Variants in RASGRF1 observed in about 807,000 individuals in gnomAD.
The protein encoded by RASGRF1 is ras-specific guanine nucleotide-releasing factor 1.
RASGRF1 carries 40 observed loss-of-function variants against 138.7 expected under a neutral mutation model. The ratio of observed to expected loss-of-function variants is 0.29; its 90% confidence interval spans 0.22 to 0.38. The LOEUF is 0.38. Among genes scored for constraint, RASGRF1 ranks in the 10% least tolerant of loss-of-function variants. The pLI is 1.00. For missense variants in RASGRF1, 1,108 were observed against 1,650.4 expected, an observed-to-expected ratio of 0.67 and a Z score of 5.69; for synonymous variants, 614 against 663.2, an observed-to-expected ratio of 0.93 and a Z score of 1.14.
intron 13 of RASGRF1, among the ~76,000 whole-genome samples, chr15:79,012,134 A>G (rs1271642493): frequency 6.6e-6 from 1 of 152,122 alleles, no homozygotes; most frequent in African/African-American, 2.4e-5. Flanking sequence ...GGAGGCCACA[A>G]TTGCATCAAG....
chr15:79,070,272 G>A (rs1461758846), intron 1 of RASGRF1, among the ~76,000 whole-genome samples: 1 of 152,200 alleles, frequency 6.6e-6, no homozygotes, highest in African/African-American at 2.4e-5. Context: ...TCCAGTTTGG[G>A]TCAAAGAGCC....
At chr15:79,024,048 CACACACAT>C (rs1478374924) in intron 10 of RASGRF1, among the ~76,000 whole-genome samples, 6 of 151,014 alleles carry the variant, frequency 4.0e-5, no homozygotes, top group African/African-American at 1.5e-4. Context: ...CAAACACACA[CACACACAT>C]ACACATACAC....
At chr15:78,995,027 A>G (rs1033416910) in intron 20 of RASGRF1, among the ~76,000 whole-genome samples, 2 of 150,910 alleles carry the variant, frequency 1.3e-5, no homozygotes, top group East Asian at 3.9e-4. Context: ...TCCTATGCTC[A>G]AGCAGTCCTC....
chr15:79,020,802 T>C (rs1349583017), intron 10 of RASGRF1, among the ~76,000 whole-genome samples: 3 of 152,372 alleles, frequency 2.0e-5, no homozygotes, highest in African/African-American at 7.2e-5. Flanking sequence ...GTTCACAAAT[T>C]CTTTCACATT....
At chr15:78,987,120 A>C (rs28566661) in intron 22 of RASGRF1, among the ~76,000 whole-genome samples, 1 of 152,028 alleles carries the variant, frequency 6.6e-6, no homozygotes, top group Non-Finnish European at 1.5e-5. Context: ...TTACACACCC[A>C]TTTGTTTAAT....
intron 23 of RASGRF1, 71 bp from the exon 24 acceptor site, chr15:78,980,770 C>A: frequency 8.5e-7 from 1 of 1,171,922 alleles, no homozygotes; most frequent in South Asian, 1.4e-5. Flanking sequence ...GGATCAGGCC[C>A]ACACTCCAAC....
At position 79,001,766 on chromosome 15, in the gene RASGRF1, T is replaced by A; in HGVS notation, c.2471A>T (p.Glu824Val). 1 of 1,597,792 alleles carries A rather than the reference T, an allele frequency of 6.3e-7. No homozygotes were observed. Among genetic ancestry groups the A allele is most frequent in the Non-Finnish European group, 8.6e-7 (1 of 1,168,954 alleles). The change falls in exon 16 of 27, where the codon GAG becomes GTG. Residue 824 changes from glutamate (E) to valine (V), a missense_variant. By Grantham distance (121) the Glu-to-Val change is moderately radical (BLOSUM62 -2). Coordinates refer to ENST00000558480, the MANE Select transcript of RASGRF1 (RefSeq NM_001145648.3). ...CTGGTTTTGATCAATATCTGACTCC[T>A]CTCTCATGGAGACTTCTGAGCCTGG... ...SKQSSEVSMR[E>V]ESDIDQNQSD...
Position 79,064,463 on chromosome 15 carries a change from C to T in RASGRF1, c.340G>A (p.Ala114Thr), listed in dbSNP as rs562796027. The change falls in exon 2 of 27, where the codon GCA (alanine) becomes ACA (threonine). Residue 114 changes from alanine to threonine, a missense_variant. By Grantham distance (58) the Ala-to-Thr change is moderately conservative. This residue lies in a region of RASGRF1 where 253 missense variants were observed against 329.5 expected (regional missense o/e 0.77). Transcript: ENST00000558480. Reference sequence around the variant, plus strand: ...GCCACCCATTCGTCACAATCTTTTGCGTCCTCTGTCCTCAGCTCCAAGGCT... The same window carrying T: ...GCCACCCATTCGTCACAATCTTTTGTGTCCTCTGTCCTCAGCTCCAAGGCT... The part of the protein sequence containing the change: ...QKALELRTED[A>T]KDCDEWVAAI... 6.8e-6 allele frequency: 11 copies of T among 1,614,058 alleles called. No homozygotes were observed. The highest frequency in any genetic ancestry group is 5.0e-5 in the Admixed American group (3 of 60,006).
intron 2 of RASGRF1, among the ~76,000 whole-genome samples, chr15:79,062,220 A>ATTT (rs2057616787): frequency 6.6e-6 from 1 of 152,244 alleles, no homozygotes; most frequent in Non-Finnish European, 1.5e-5. Context: ...CTACATTTAC[A>ATTT]AAGCCCCTTC....
In RASGRF1 at chr15:79,027,912, G is replaced by A; in HGVS notation, c.1263-53C>T. 6.3e-7 allele frequency: 1 copy of A among 1,581,774 alleles called. No individual in the cohort carries two copies. Among genetic ancestry groups the A allele is most frequent in the Non-Finnish European group, 8.7e-7 (1 of 1,151,802 alleles). ...GAGACAGGCTGCCCCTACTTCCCAG[G>A]GAGGCGAGAATGCCAGGCTTCTGGC... On this transcript the variant is annotated intron_variant, in intron 8 of 26. Coordinates refer to ENST00000558480, the MANE Select transcript of RASGRF1 (RefSeq NM_001145648.3). The surrounding 1 kb of genome is among the most constrained non-coding windows in gnomAD (Gnocchi z 4.8).
intron 26 of RASGRF1, among the ~76,000 whole-genome samples, chr15:78,970,723 A>G (rs902637316): frequency 2.6e-5 from 4 of 151,866 alleles, no homozygotes; most frequent in African/African-American, 9.7e-5. Context: ...TTTTATCTGT[A>G]AAATGGGGCC....
rs73472358 is a variant in RASGRF1 at position 78,973,773 on chromosome 15, C to T, written c.3495-353G>A. ...TCTGTCACCAGCCCCTCTGGACTCA[C>T]CTTTCCTATCTCTCCCTGAGACTCT... On this transcript the variant is annotated intron_variant, in intron 24 of 26. Transcript: ENST00000558480. This position sits in a 1 kb window ranked among gnomAD's most constrained non-coding sequence, Gnocchi z 4.9. 0.013 allele frequency among the ~76,000 whole-genome samples: 1,971 copies of T among 152,262 alleles called. 43 individuals carry two copies. The highest frequency in any genetic ancestry group is 0.046 in the African/African-American group (1,892 of 41,528).
At chr15:79,064,296 TCTC>T (rs1348486375) in intron 2 of RASGRF1, 121 bp downstream of exon 2, 8 of 885,498 alleles carry the variant, frequency 9.0e-6, no homozygotes, top group Non-Finnish European at 1.4e-5. Flanking sequence ...AAGAGATGCT[TCTC>T]CTCCTCCTTT....
intron 22 of RASGRF1, among the ~76,000 whole-genome samples, chr15:78,987,237 A>G (rs189695841): frequency 2.8e-4 from 42 of 152,336 alleles, no homozygotes; most frequent in Admixed American, 1.1e-3. Context: ...GAGAAAAACC[A>G]TATGACCATC....
chr15:79,069,503 A>G (rs1160345142), intron 1 of RASGRF1, among the ~76,000 whole-genome samples: 1 of 152,230 alleles, frequency 6.6e-6, no homozygotes, highest in Non-Finnish European at 1.5e-5. Context: ...AGTGAGGAAT[A>G]TAAGTGATAG....
intron 1 of RASGRF1, among the ~76,000 whole-genome samples, chr15:79,085,871 G>A (rs944362916): frequency 8.5e-5 from 13 of 152,210 alleles, no homozygotes; most frequent in South Asian, 2.1e-4. Context: ...TGTTTGCTGC[G>A]TGAATAAACA....
At chr15:78,981,217 G>T (rs141132322) in intron 23 of RASGRF1, 2 of 152,358 alleles carry the variant, frequency 1.3e-5, no homozygotes, top group African/African-American at 4.8e-5. Flanking sequence ...GGCTGGAGAA[G>T]AGGAAGCTCC....
At chr15:78,970,937 C>A (rs1015167083) in intron 26 of RASGRF1, among the ~76,000 whole-genome samples, 5 of 151,818 alleles carry the variant, frequency 3.3e-5, no homozygotes, top group Non-Finnish European at 4.4e-5. Flanking sequence ...TATGGTCCTA[C>A]GGACAAAGTC....
chr15:78,984,854 T>C (rs1297567859), intron 23 of RASGRF1, 153 bp downstream of exon 23: 1 of 793,944 alleles, frequency 1.3e-6, no homozygotes, highest in Non-Finnish European at 2.1e-6. Context: ...TCCCAGGTGA[T>C]ATAGGGGAAG....
Sources: gnomAD v4.1 joint callset for allele counts (sites outside exome capture counted in the v4.1 genomes callset) on GRCh38, gnomAD v4.1.1 for gene constraint, gnomAD v4.1.1 regional missense constraint, Gnocchi (gnomAD v3.1) non-coding constraint, MANE v1.5 for transcripts, NCBI Gene and HGNC (gene_info 2026-07-23, HGNC 2026-07-21) for gene names.